The following SCAND3 variants were observed in gnomAD, a reference collection of about 807,000 sequenced individuals.
SCAND3 encodes the protein SCAN domain-containing protein 3.
At chr6:28,604,613 CT>C in the SCAND3 span, among the ~76,000 whole-genome samples, 4 of 97,722 alleles carry the variant, frequency 4.1e-5, no homozygotes, top group Non-Finnish European at 5.8e-5. Flanking sequence ...GAGACTCTGT[CT>C]CAAAAAAAAA....
chr6:28,608,254 C>T, the SCAND3 span, among the ~76,000 whole-genome samples: 1 of 152,212 alleles, frequency 6.6e-6, no homozygotes, highest in Non-Finnish European at 1.5e-5. Flanking sequence ...CTGTTTCGCC[C>T]TGAACATCTG....
At chr6:28,610,022 C>T in the SCAND3 span, among the ~76,000 whole-genome samples, 2 of 152,122 alleles carry the variant, frequency 1.3e-5, no homozygotes, top group East Asian at 3.9e-4. Context: ...TTTGGGAGTT[C>T]GAGACCAGCC....
At chr6:28,599,229 G>C in the SCAND3 span, among the ~76,000 whole-genome samples, 38 of 152,170 alleles carry the variant, frequency 2.5e-4, no homozygotes, top group African/African-American at 9.2e-4. Context: ...CAAGACATCA[G>C]TTCTTTCCAT....
chr6:28,573,895 A>G, the SCAND3 span: 1 of 1,407,930 alleles, frequency 7.1e-7, no homozygotes, highest in Non-Finnish European at 9.3e-7. Flanking sequence ...GTGTTATACC[A>G]CAAGTTAAAA....
the SCAND3 span, among the ~76,000 whole-genome samples, chr6:28,614,517 T>G: frequency 2.0e-5 from 3 of 151,014 alleles, no homozygotes; most frequent in Non-Finnish European, 4.4e-5. Flanking sequence ...CAGGCTGGAG[T>G]GCAGTGGTGT....
the SCAND3 span, chr6:28,590,758 T>A: frequency 6.6e-6 from 1 of 152,224 alleles, no homozygotes; most frequent in Non-Finnish European, 1.5e-5. Flanking sequence ...TTAGCTCATA[T>A]TTTGAATTAC....
chr6:28,584,726 G>T, the SCAND3 span, among the ~76,000 whole-genome samples: 3 of 152,110 alleles, frequency 2.0e-5, no homozygotes, highest in East Asian at 5.8e-4. Flanking sequence ...TCTGAGCCAG[G>T]GGATGGCCTT....
At chr6:28,575,096 T>G in the SCAND3 span, 1 of 1,614,172 alleles carries the variant, frequency 6.2e-7, no homozygotes, top group Admixed American at 1.7e-5. The surrounding 1 kb of genome is among the most constrained non-coding windows in gnomAD (Gnocchi z 4.2). Flanking sequence ...AGTTCTTCAG[T>G]TAGCTGAGAA....
the SCAND3 span, among the ~76,000 whole-genome samples, chr6:28,609,281 A>G: frequency 4.6e-5 from 7 of 152,206 alleles, no homozygotes; most frequent in Non-Finnish European, 7.3e-5. Flanking sequence ...AAAACTTACT[A>G]TAGAGAATTT....
chr6:28,573,738 A>G, the SCAND3 span: 1 of 1,603,602 alleles, frequency 6.2e-7, no homozygotes, highest in Non-Finnish European at 8.5e-7. Context: ...GATAACTTCT[A>G]TTGTTAACAT....
At chr6:28,572,774 A>T in the SCAND3 span, 12 of 1,613,690 alleles carry the variant, frequency 7.4e-6, no homozygotes, top group Non-Finnish European at 9.3e-6. The surrounding 1 kb of genome is among the most constrained non-coding windows in gnomAD (Gnocchi z 4.1). Flanking sequence ...AATAAAGAGA[A>T]TAATCTTGAA....
the SCAND3 span, chr6:28,572,102 T>A: frequency 6.2e-7 from 1 of 1,614,034 alleles, no homozygotes; most frequent in South Asian, 1.1e-5. The surrounding 1 kb of genome is among the most constrained non-coding windows in gnomAD (Gnocchi z 4.1). Context: ...TTTAAAGCAA[T>A]CTCAGCAAGC....
chr6:28,581,554 C>T, the SCAND3 span, among the ~76,000 whole-genome samples: 1 of 152,076 alleles, frequency 6.6e-6, no homozygotes, highest in Non-Finnish European at 1.5e-5. Flanking sequence ...TTTTCAGGGA[C>T]CCTAGCTGTC....
At chr6:28,572,272 A>C in the SCAND3 span, 1 of 1,611,200 alleles carries the variant, frequency 6.2e-7, no homozygotes, top group East Asian at 2.2e-5. The surrounding 1 kb of genome is among the most constrained non-coding windows in gnomAD (Gnocchi z 4.1). Flanking sequence ...TGGATTTTGG[A>C]TCCACAAATT....
the SCAND3 span, chr6:28,572,800 TTTATATA>T: frequency 6.2e-7 from 1 of 1,612,250 alleles, no homozygotes; most frequent in Non-Finnish European, 8.5e-7. This position sits in a 1 kb window ranked among gnomAD's most constrained non-coding sequence, Gnocchi z 4.1. Flanking sequence ...TGAATTAGAT[TTTATATA>T]ATTCACAATT....
At chr6:28,586,572 T>A in the SCAND3 span, 1 of 1,614,228 alleles carries the variant, frequency 6.2e-7, no homozygotes, top group Non-Finnish European at 8.5e-7. This position sits in a 1 kb window ranked among gnomAD's most constrained non-coding sequence, Gnocchi z 4.4. Context: ...ACGAGAGAGT[T>A]CCCTGGTATA....
At chr6:28,588,273 C>A in the SCAND3 span, among the ~76,000 whole-genome samples, 2 of 152,204 alleles carry the variant, frequency 1.3e-5, no homozygotes, top group Non-Finnish European at 2.9e-5. The surrounding 1 kb of genome is among the most constrained non-coding windows in gnomAD (Gnocchi z 4.1). Flanking sequence ...TTGTTTCCCC[C>A]CCTAACTATC....
the SCAND3 span, among the ~76,000 whole-genome samples, chr6:28,597,355 T>A: frequency 3.3e-5 from 5 of 152,222 alleles, 1 homozygote. Flanking sequence ...AGGATGGGAT[T>A]CGAACCCACG....
chr6:28,609,684 A>G, the SCAND3 span, among the ~76,000 whole-genome samples: 1 of 152,226 alleles, frequency 6.6e-6, no homozygotes, highest in African/African-American at 2.4e-5. Flanking sequence ...AACCAAAGCT[A>G]AATTTTATAT....
Sources: allele counts gnomAD v4.1 joint callset (sites outside exome capture counted in the v4.1 genomes callset), GRCh38; gene constraint gnomAD v4.1.1; non-coding constraint Gnocchi (gnomAD v3.1); transcripts MANE v1.5; gene names NCBI Gene and HGNC (gene_info 2026-07-23, HGNC 2026-07-21).